The following BANP variants were observed in gnomAD, a reference collection of about 807,000 sequenced individuals.
BANP encodes BTG3 associated nuclear protein, also known as protein BANP.
A neutral mutation model predicts 68.1 loss-of-function variants in BANP; 11 were observed. The ratio of observed to expected loss-of-function variants is 0.16; its 90% confidence interval spans 0.10 to 0.27. The LOEUF is 0.27. BANP is among the 10% of genes least tolerant of loss of function. The pLI is 1.00. For missense variants in BANP, 504 were observed against 722.7 expected (o/e 0.70, Z 3.47); for synonymous variants, 329 against 303.2 (o/e 1.09, Z -0.88).
intron 11 of BANP, among the ~76,000 whole-genome samples, chr16:88,050,071 C>T (rs1000571916): frequency 1.8e-4 from 27 of 152,180 alleles, no homozygotes; most frequent in African/African-American, 5.5e-4. Context: ...GATGGGAATC[C>T]TTGTCCTCCG....
At chr16:87,973,517 T>C (rs2061482879) in intron 1 of BANP, among the ~76,000 whole-genome samples, 1 of 152,086 alleles carries the variant, frequency 6.6e-6, no homozygotes, top group South Asian at 2.1e-4. Context: ...TCCCAGCACC[T>C]TGGGAGGCCG....
At chr16:88,007,906 T>C (rs1261975337) in intron 6 of BANP, among the ~76,000 whole-genome samples, 1 of 152,220 alleles carries the variant, frequency 6.6e-6, no homozygotes. Context: ...ATTGACTGTT[T>C]TAAAGCATAC....
At chr16:88,006,342 GT>G in intron 6 of BANP, 77 bp downstream of exon 6, 1 of 1,501,568 alleles carries the variant, frequency 6.7e-7, no homozygotes, top group Non-Finnish European at 8.9e-7. Context: ...AAATTTTGTT[GT>G]TTTTTAAAGA....
rs566315253 is a variant in BANP at position 88,023,521 on chromosome 16, AGTT to A, written c.896-3957_896-3955del. Among the ~76,000 whole-genome samples, 586 of 151,618 alleles carry A rather than the reference AGTT, an allele frequency of 3.9e-3. 4 individuals are homozygous for A. Among genetic ancestry groups the A allele is most frequent in the African/African-American group, 0.011 (448 of 41,290 alleles). On this transcript the variant is annotated intron_variant, in intron 7 of 13. Coordinates refer to ENST00000682872, the MANE Select transcript of BANP (RefSeq NM_001386991.1). ...GTCGAGTCTGTAATTTGAAGAAATC[AGTT>A]GTTGGCACTCGGTTTTGTGGTGCCT... is the stretch of plus-strand genomic sequence containing the variant.
chr16:88,031,836 G>A (rs1427093368), intron 8 of BANP, among the ~76,000 whole-genome samples: 4 of 119,418 alleles, frequency 3.3e-5, no homozygotes, highest in Non-Finnish European at 4.9e-5. Flanking sequence ...TCCCCCGCTC[G>A]CTCTGTTGCC....
chr16:88,065,389 C>G (rs1343760020), intron 12 of BANP, 57 bp downstream of exon 12: 1 of 710,242 alleles, frequency 1.4e-6, no homozygotes, highest in Non-Finnish European at 2.6e-6. Flanking sequence ...GGAGTCTCTG[C>G]TTTTAAAGAC....
rs1018239210 is a variant in BANP, at chr16:87,957,921, G to A, written c.-69+6406G>A. On this transcript the variant is annotated intron_variant, in intron 1 of 13. Transcript: ENST00000682872. This position sits in a 1 kb window ranked among gnomAD's most constrained non-coding sequence, Gnocchi z 4.3. The stretch of plus-strand genomic sequence containing the variant: ...CTCAAGTGAGCTCAGCTCTTGTGTC[G>A]GTGGGAGCTGGCGGTGGGTCCCTGA... Among the ~76,000 whole-genome samples, 9 of 152,146 alleles carry A rather than the reference G, an allele frequency of 5.9e-5. No homozygotes were observed. In the East Asian group the frequency reaches 7.7e-4, roughly 13 times the overall value.
intron 11 of BANP, among the ~76,000 whole-genome samples, chr16:88,053,836 T>C (rs370447405): frequency 6.9e-3 from 614 of 88,764 alleles, no homozygotes; most frequent in Non-Finnish European, 0.011. Context: ...CACAACCACC[T>C]TAACAACCAC....
intron 11 of BANP, among the ~76,000 whole-genome samples, chr16:88,040,927 C>T (rs8045521): frequency 0.47 from 71,637 of 152,150 alleles, 20,020 homozygotes; most frequent in Non-Finnish European, 0.65. Context: ...TTCCAACTGT[C>T]ATTTAGGAAT....
chr16:88,033,334 T>C, intron 9 of BANP, 89 bp downstream of exon 9: 1 of 1,329,184 alleles, frequency 7.5e-7, no homozygotes, highest in Non-Finnish European at 9.9e-7. Flanking sequence ...GGTTCCGCTG[T>C]GTTTTGGGAG....
intron 2 of BANP, among the ~76,000 whole-genome samples, chr16:87,979,945 A>C (rs958476807): frequency 2.0e-5 from 3 of 152,166 alleles, no homozygotes; most frequent in Non-Finnish European, 4.4e-5. Flanking sequence ...AAACAAAAAC[A>C]AAAACCAAAC....
In BANP at chr16:88,018,804, G is replaced by A; in HGVS notation, c.895+137G>A. On this transcript the variant is annotated intron_variant, in intron 7 of 13. Transcript: ENST00000682872. This position sits in a 1 kb window ranked among gnomAD's most constrained non-coding sequence, Gnocchi z 7.7. ...TCCAGGCGGTTTGAAATCTCAGCCC[G>A]AGGATCAGTGCTCGAGGGGATGGAT... 1.7e-6 allele frequency: 2 copies of A among 1,168,532 alleles called. No homozygotes were observed. The highest frequency in any genetic ancestry group is 2.4e-6 in the Non-Finnish European group (2 of 843,890). The allele number at this position is 1,168,532 out of a possible 1,614,324, so 72.4% of individuals were successfully genotyped here. A position where few individuals can be genotyped will look rare whatever the true frequency, so the allele number is the denominator to read the frequency against.
intron 9 of BANP, 120 bp downstream of exon 9, chr16:88,033,365 A>C: frequency 9.4e-7 from 1 of 1,059,752 alleles, no homozygotes; most frequent in Non-Finnish European, 1.3e-6. Flanking sequence ...GCTTGGGAGG[A>C]GGCACAAGGT....
chr16:88,006,083 C>G lies in BANP; in HGVS notation c.480-7C>G, dbSNP rs370624671. 1.2e-4 allele frequency: 195 copies of G among 1,613,508 alleles called. No individual in the cohort carries two copies. The highest frequency in any genetic ancestry group is 1.6e-4 in the Non-Finnish European group (190 of 1,179,826). ...CATCGGGCTGGTGTGTTTTTTTTCC[C>G]GTTTAGCGCTGTGCCTGGGCGTCGG... is the stretch of plus-strand genomic sequence containing the variant. On this transcript the variant is annotated splice_polypyrimidine_tract_variant and splice_region_variant and intron_variant, in intron 5 of 13. Coordinates refer to ENST00000682872, the MANE Select transcript of BANP (RefSeq NM_001386991.1).
At chr16:87,949,244 G>C (rs77114959), upstream of BANP, 2 of 152,248 alleles carry the variant, frequency 1.3e-5, no homozygotes, top group South Asian at 2.1e-4. Context: ...CTCCAGACAC[G>C]GACTTGGGAA....
At chr16:87,997,929 C>G (rs1177066000) in intron 4 of BANP, among the ~76,000 whole-genome samples, 2 of 152,222 alleles carry the variant, frequency 1.3e-5, no homozygotes, top group African/African-American at 4.8e-5. Context: ...TTTAGTTTAG[C>G]ACTTCCTGGT....
intron 7 of BANP, among the ~76,000 whole-genome samples, chr16:88,021,950 C>A (rs1309622345): frequency 2.0e-5 from 3 of 152,112 alleles, no homozygotes; most frequent in African/African-American, 7.2e-5. Flanking sequence ...TAGGTAAAGT[C>A]TCTAAGTACC....
At chr16:88,040,602 C>T (rs113390496) in intron 11 of BANP, among the ~76,000 whole-genome samples, 53 of 152,364 alleles carry the variant, frequency 3.5e-4, no homozygotes, top group African/African-American at 1.3e-3. Flanking sequence ...TCCCCACCCC[C>T]ATGCCCACAG....
intron 4 of BANP, among the ~76,000 whole-genome samples, chr16:87,987,315 G>T (rs569324459): frequency 6.6e-6 from 1 of 152,180 alleles, no homozygotes; most frequent in Admixed American, 6.5e-5. Flanking sequence ...TTGACCTTAG[G>T]TGATCTGCCT....
Sources: gnomAD v4.1 joint callset for allele counts (sites outside exome capture counted in the v4.1 genomes callset) on GRCh38, gnomAD v4.1.1 for gene constraint, Gnocchi (gnomAD v3.1) non-coding constraint, MANE v1.5 for transcripts, NCBI Gene and HGNC (gene_info 2026-07-23, HGNC 2026-07-21) for gene names.